NRP2: variants seen among roughly 807,000 people sequenced by gnomAD.
NRP2 encodes the protein neuropilin 2, also known as neuropilin-2.
A neutral mutation model predicts 110.4 loss-of-function variants in NRP2; 52 were observed. That is an observed-to-expected ratio of 0.47 (90% CI 0.38 to 0.59). NRP2 has a LOEUF of 0.59. Among genes scored for constraint, NRP2 ranks in the 20% least tolerant of loss-of-function variants. The pLI is 0.00. For missense variants in NRP2, 1,049 were observed against 1,203.0 expected, an observed-to-expected ratio of 0.87 and a Z score of 1.89; for synonymous variants, 508 against 468.9, an observed-to-expected ratio of 1.08 and a Z score of -1.08.
At chr2:205,757,326 G>T (rs940423722) in intron 12 of NRP2, among the ~76,000 whole-genome samples, 1 of 152,162 alleles carries the variant, frequency 6.6e-6, no homozygotes, top group Non-Finnish European at 1.5e-5. Context: ...TCCTTCAAAT[G>T]TAAGAAGTAA....
chr2:205,689,225 CATGGGAACT>C (rs2056250171), intron 1 of NRP2, among the ~76,000 whole-genome samples: 1 of 152,232 alleles, frequency 6.6e-6, no homozygotes, highest in African/African-American at 2.4e-5. Flanking sequence ...GCTTCTGAAA[CATGGGAACT>C]AGACTGCCTG....
At position 205,686,242 on chromosome 2, in the gene NRP2, G is replaced by A. The variant is rs1243352451; in HGVS notation, c.73+2879G>A. On this transcript the variant is annotated intron_variant, in intron 1 of 16. Transcript: ENST00000357785. The surrounding 1 kb of genome is among the most constrained non-coding windows in gnomAD (Gnocchi z 4.7). The stretch of plus-strand genomic sequence containing the variant: ...GCCCTCCTCCTCCTCCTCCTCCTAA[G>A]GACACCCCCAGGGAAAAGCCTGCGG... Among the ~76,000 whole-genome samples, 3 of 151,370 alleles carry A rather than the reference G, an allele frequency of 2.0e-5. No homozygotes were observed. Among genetic ancestry groups the A allele is most frequent in the African/African-American group, 7.3e-5 (3 of 41,332 alleles).
chr2:205,744,833 T>G (rs992926131), intron 9 of NRP2, among the ~76,000 whole-genome samples: 1 of 152,210 alleles, frequency 6.6e-6, no homozygotes, highest in Non-Finnish European at 1.5e-5. Context: ...AACTGGAACC[T>G]TGCATCGATG....
At chr2:205,683,448 G>C (rs920565695) in intron 1 of NRP2, 85 bp downstream of exon 1, 2 of 949,836 alleles carry the variant, frequency 2.1e-6, no homozygotes, top group African/African-American at 1.6e-5. Context: ...CACGCAGAAC[G>C]GCACAGAAGA....
chr2:205,697,060 C>A (rs1219671705), intron 1 of NRP2, among the ~76,000 whole-genome samples: 2 of 152,076 alleles, frequency 1.3e-5, no homozygotes, highest in African/African-American at 4.8e-5. Flanking sequence ...TGGGTCGGCA[C>A]CACAAAACCA....
intron 7 of NRP2, among the ~76,000 whole-genome samples, chr2:205,733,945 G>A (rs922358023): frequency 6.6e-6 from 1 of 152,060 alleles, no homozygotes; most frequent in African/African-American, 2.4e-5. Context: ...AGCGGGCCCC[G>A]CAGGCCCACA....
chr2:205,775,987 A>AACTTAT (rs1488347171), intron 15 of NRP2, among the ~76,000 whole-genome samples: 3 of 152,190 alleles, frequency 2.0e-5, no homozygotes, highest in African/African-American at 7.2e-5. Flanking sequence ...ATAACCACTT[A>AACTTAT]ACTTAACCTC....
intron 15 of NRP2, among the ~76,000 whole-genome samples, chr2:205,785,914 C>T (rs375736528): frequency 3.0e-4 from 45 of 152,030 alleles, no homozygotes; most frequent in East Asian, 1.2e-3. Context: ...CTTTTTTTTC[C>T]GCACTTGAAA....
At chr2:205,780,837 C>G (rs183888032) in intron 15 of NRP2, among the ~76,000 whole-genome samples, 16 of 152,292 alleles carry the variant, frequency 1.1e-4, no homozygotes, top group Non-Finnish European at 1.2e-4. Context: ...ACAGGAAGTT[C>G]TGTTAGTACA....
intron 15 of NRP2, among the ~76,000 whole-genome samples, chr2:205,781,625 C>G (rs1224505952): frequency 2.0e-5 from 3 of 152,238 alleles, no homozygotes; most frequent in Non-Finnish European, 2.9e-5. Context: ...GGCTACACAT[C>G]TGAGCCAAAC....
At position 205,697,578 on chromosome 2, in the gene NRP2, T is replaced by C. The variant is rs2056460337; in HGVS notation, c.108T>C (p.Asp36=). The change falls in exon 2 of 17, where the codon GAT becomes GAC. Residue 36 remains aspartate, a synonymous_variant. Transcript: ENST00000357785. ...GCGGAGGTCGTTTGAATTCCAAAGA[T>C]GCTGGCTATATCACCTCTCCCGGTT... is the stretch of plus-strand genomic sequence containing the variant. The part of the protein sequence containing the change: ...PPCGGRLNSK[D]AGYITSPGYP... 3.7e-6 allele frequency: 6 copies of C among 1,614,090 alleles called. No homozygotes were observed. The highest frequency in any genetic ancestry group is 3.4e-6 in the Non-Finnish European group (4 of 1,180,014).
In NRP2 at chr2:205,797,666, G is replaced by T. The variant is rs975477657; in HGVS notation, c.*2608G>T. 19 of 152,690 alleles carry T rather than the reference G, an allele frequency of 1.2e-4. No individual in the cohort carries two copies. Among genetic ancestry groups the T allele is most frequent in the African/African-American group, 4.3e-4 (18 of 41,462 alleles). 9.5% of individuals were successfully genotyped at this position (152,690 alleles called of 1,614,324 possible). A position where few individuals can be genotyped will look rare whatever the true frequency, so the allele number is the denominator to read the frequency against. On this transcript the variant is annotated 3_prime_UTR_variant, in exon 17 of 17. Transcript: ENST00000357785. ...GGGCCCAATTTTGACTTGGCCAGGG[G>T]ACACCTTGGTGTGTTTGTTATCTTT...
Position 205,796,886 on chromosome 2 carries a change from T to A in NRP2, c.*1828T>A, listed in dbSNP as rs2058356466. The A allele has an allele frequency of 6.5e-6, 1 of 152,712 alleles. No homozygotes were observed. The highest frequency in any genetic ancestry group is 2.1e-4 in the South Asian group (1 of 4,830). The allele number at this position is 152,712 out of a possible 1,614,324, so 9.5% of individuals were successfully genotyped here. A position where few individuals can be genotyped will look rare whatever the true frequency, so the allele number is the denominator to read the frequency against. ...CTGTGGTCACCCACGATTTCATTTG[T>A]CTTATACCCAGGTGAAAGGGGAAGG... On this transcript the variant is annotated 3_prime_UTR_variant, in exon 17 of 17. Transcript: ENST00000357785.
At position 205,745,719 on chromosome 2, in the gene NRP2, AG is replaced by A. The variant is rs764577372; in HGVS notation, c.1642-24del. On this transcript the variant is annotated intron_variant, in intron 9 of 16. Coordinates refer to ENST00000357785, the MANE Select transcript of NRP2 (RefSeq NM_003872.3). ...GATAGGGACTGGGTCCCACACCAGAAGGGCTGAGTGGCCTCTCTCCCTGCAG... is the reference window on the plus strand; with the variant it reads ...GATAGGGACTGGGTCCCACACCAGAAGGCTGAGTGGCCTCTCTCCCTGCAG... The A allele has an allele frequency of 4.3e-6, 7 of 1,613,794 alleles. No individual in the cohort carries two copies. In the South Asian group the frequency reaches 6.6e-5, roughly 15 times the overall value.
At chr2:205,685,271 G>C (rs2056121017) in intron 1 of NRP2, among the ~76,000 whole-genome samples, 1 of 152,224 alleles carries the variant, frequency 6.6e-6, no homozygotes, top group African/African-American at 2.4e-5. Flanking sequence ...GGGATCTCAG[G>C]GTGGGATTCG....
At chr2:205,792,463 T>C (rs1475670500) in intron 16 of NRP2, among the ~76,000 whole-genome samples, 178 bp downstream of exon 16, 3 of 152,228 alleles carry the variant, frequency 2.0e-5, no homozygotes, top group Non-Finnish European at 2.9e-5. Context: ...GGGTCAACTT[T>C]AGAGGTTTAG....
At chr2:205,701,294 G>A (rs1269179572) in intron 2 of NRP2, 1 of 152,300 alleles carries the variant, frequency 6.6e-6, no homozygotes, top group African/African-American at 2.4e-5. Flanking sequence ...CCAGCCCTTT[G>A]GGAGGCCGAG....
chr2:205,702,442 G>A (rs1469203973), intron 2 of NRP2, among the ~76,000 whole-genome samples: 1 of 152,160 alleles, frequency 6.6e-6, no homozygotes, highest in African/African-American at 2.4e-5. Flanking sequence ...AACAGAGGAT[G>A]GAGTTCTCAA....
In NRP2 at chr2:205,697,504, A is replaced by C. The variant is rs2056458040; in HGVS notation, c.74-40A>C. The stretch of plus-strand genomic sequence containing the variant: ...GGAGTGTGGGGGGAAGAAAGTTGTA[A>C]CATATTTGAAGTTCTTTGGGTCGTT... On this transcript the variant is annotated intron_variant, in intron 1 of 16. Coordinates refer to ENST00000357785, the MANE Select transcript of NRP2 (RefSeq NM_003872.3). 3.8e-6 allele frequency: 6 copies of C among 1,570,960 alleles called. No homozygotes were observed. In the South Asian group the frequency reaches 6.7e-5, roughly 17 times the overall value.
Sources: gnomAD v4.1 joint callset for allele counts (sites outside exome capture counted in the v4.1 genomes callset) on GRCh38, gnomAD v4.1.1 for gene constraint, Gnocchi (gnomAD v3.1) non-coding constraint, MANE v1.5 for transcripts, NCBI Gene and HGNC (gene_info 2026-07-23, HGNC 2026-07-21) for gene names.